BCL2: variants seen among roughly 807,000 people sequenced by gnomAD.
The protein encoded by BCL2 is apoptosis regulator Bcl-2.
In BCL2, 1 loss-of-function variant was observed where a neutral mutation model predicts 14.2. The observed-to-expected ratio is 0.07, with a 90% CI of 0.02 to 0.33. The LOEUF (loss-of-function observed/expected upper bound fraction) is 0.33. BCL2 is among the 10% of genes least tolerant of loss of function. The pLI is 0.99. For synonymous variants in BCL2, 151 were observed against 137.2 expected (o/e 1.10, Z -0.70); for missense variants, 247 against 305.9 (o/e 0.81, Z 1.44).
At chr18:63,198,537 GACAC>G (rs1276202888) in intron 2 of BCL2, among the ~76,000 whole-genome samples, 1 of 88,058 alleles carries the variant, frequency 1.1e-5, no homozygotes, top group African/African-American at 4.7e-5. Flanking sequence ...GACACACATT[GACAC>G]ACAGACACAC....
chr18:63,295,226 AAGG>A (rs1161345153), intron 2 of BCL2, among the ~76,000 whole-genome samples: 2 of 151,768 alleles, frequency 1.3e-5, no homozygotes, highest in East Asian at 3.9e-4. Flanking sequence ...GTGTAGGGAC[AAGG>A]AGAACAGAGA....
rs911585230 is a variant in BCL2 at position 63,218,521 on chromosome 18, T to C, written c.586-89762A>G. ...GTTCAAAGTTCTTTCACATACTATTTCATCTTATCTCTCCACAACCTCCCT... is the reference window on the plus strand; with the variant it reads ...GTTCAAAGTTCTTTCACATACTATTCCATCTTATCTCTCCACAACCTCCCT... On this transcript the variant is annotated intron_variant, in intron 2 of 2. Transcript: ENST00000333681. Among the ~76,000 whole-genome samples, 48 of 151,302 alleles carry C rather than the reference T, an allele frequency of 3.2e-4. 1 individual carries two copies. Among genetic ancestry groups the C allele is most frequent in the Admixed American group, 2.8e-3 (42 of 15,190 alleles).
chr18:63,187,877 A>T (rs932873494), intron 2 of BCL2, among the ~76,000 whole-genome samples: 1 of 152,190 alleles, frequency 6.6e-6, no homozygotes, highest in Admixed American at 6.5e-5. Flanking sequence ...TCTTTATCTC[A>T]TTAAAATAAA....
intron 2 of BCL2, among the ~76,000 whole-genome samples, chr18:63,305,712 C>T (rs560080071): frequency 4.6e-5 from 7 of 152,114 alleles, no homozygotes; most frequent in South Asian, 4.2e-4. Flanking sequence ...ATTTATCACA[C>T]GGTGAATTCT....
intron 2 of BCL2, among the ~76,000 whole-genome samples, chr18:63,255,927 A>G (rs973611875): frequency 6.6e-6 from 1 of 152,212 alleles, no homozygotes; most frequent in Non-Finnish European, 1.5e-5. Flanking sequence ...TTCCTATTAA[A>G]GCATTAACAT....
intron 2 of BCL2, among the ~76,000 whole-genome samples, chr18:63,236,329 T>C (rs1052354704): frequency 4.6e-5 from 7 of 152,220 alleles, no homozygotes; most frequent in African/African-American, 1.7e-4. Flanking sequence ...TATTTGTTTT[T>C]AGGAGCCCCC....
At position 63,302,320 on chromosome 18, in the gene BCL2, G is replaced by A. The variant is rs1912987264; in HGVS notation, c.585+15762C>T. On this transcript the variant is annotated intron_variant, in intron 2 of 2. Coordinates refer to ENST00000333681, the MANE Select transcript of BCL2 (RefSeq NM_000633.3). ...CCTTCTCAAAAAAAAAAAAAAGAGA[G>A]AGAAAGAGAGAAAGAGAGAGAGGAA... The A allele has an allele frequency of 9.2e-6, 9 of 974,998 alleles. No homozygotes were observed. In the South Asian group the frequency reaches 3.8e-4, roughly 41 times the overall value. 60.4% of individuals were successfully genotyped at this position (974,998 alleles called of 1,614,324 possible). A position where few individuals can be genotyped will look rare whatever the true frequency, so the allele number is the denominator to read the frequency against.
intron 2 of BCL2, among the ~76,000 whole-genome samples, chr18:63,237,304 A>G (rs983282242): frequency 5.9e-5 from 9 of 152,154 alleles, no homozygotes; most frequent in Non-Finnish European, 1.3e-4. Context: ...GCTGCACCAC[A>G]TGCACATTTT....
chr18:63,136,219 T>C (rs1195036241), intron 2 of BCL2, among the ~76,000 whole-genome samples: 1 of 152,208 alleles, frequency 6.6e-6, no homozygotes, highest in African/African-American at 2.4e-5. Flanking sequence ...CCTATGATAA[T>C]GTTCCTAACA....
At chr18:63,274,716 C>T (rs1048223363) in intron 2 of BCL2, among the ~76,000 whole-genome samples, 3 of 152,224 alleles carry the variant, frequency 2.0e-5, no homozygotes, top group Admixed American at 6.5e-5. Flanking sequence ...TTCCACCTGC[C>T]GCGGAGGACC....
chr18:63,133,668 T>TAATTCTAAGTGCTGAAAAG (rs1914132808), intron 2 of BCL2, among the ~76,000 whole-genome samples: 1 of 152,168 alleles, frequency 6.6e-6, no homozygotes, highest in Non-Finnish European at 1.5e-5. Flanking sequence ...AAGAGAAGGT[T>TAATTCTAAGTGCTGAAAAG]AATTCTAAGT....
chr18:63,257,281 G>A (rs116873719), intron 2 of BCL2, among the ~76,000 whole-genome samples: 2,175 of 152,232 alleles, frequency 0.014, 30 homozygotes, highest in Non-Finnish European at 0.022. Context: ...ACATTTATAA[G>A]ACACAAAGCC....
At chr18:63,169,341 C>CTT (rs1568222601) in intron 2 of BCL2, among the ~76,000 whole-genome samples, 3 of 50,362 alleles carry the variant, frequency 6.0e-5, no homozygotes, top group Middle Eastern at 9.3e-3. Context: ...TCCTTCCTTT[C>CTT]TTTCTTTCTT....
chr18:63,240,539 T>C (rs1910971202), intron 2 of BCL2, among the ~76,000 whole-genome samples: 1 of 152,226 alleles, frequency 6.6e-6, no homozygotes, highest in Non-Finnish European at 1.5e-5. Context: ...CAAAGTAATA[T>C]TCTAAATCAC....
intron 2 of BCL2, among the ~76,000 whole-genome samples, chr18:63,304,827 C>T (rs928807550): frequency 2.6e-5 from 4 of 152,186 alleles, no homozygotes; most frequent in Admixed American, 6.5e-5. Context: ...AAGCTAATTA[C>T]AACCTTTGAA....
intron 2 of BCL2, among the ~76,000 whole-genome samples, chr18:63,174,078 G>GCA (rs528037844): frequency 1.0e-3 from 159 of 152,216 alleles, no homozygotes; most frequent in Non-Finnish European, 1.8e-3. Context: ...ATCAAAGGAT[G>GCA]CACACACACA....
intron 2 of BCL2, among the ~76,000 whole-genome samples, chr18:63,202,241 G>A (rs1909715235): frequency 6.6e-6 from 1 of 152,158 alleles, no homozygotes; most frequent in African/African-American, 2.4e-5. Flanking sequence ...CTCAGGAGGC[G>A]GAGGTTGCAG....
At chr18:63,290,235 C>A (rs1008280827) in intron 2 of BCL2, among the ~76,000 whole-genome samples, 1 of 152,026 alleles carries the variant, frequency 6.6e-6, no homozygotes, top group Non-Finnish European at 1.5e-5. Flanking sequence ...ATTTGAACTG[C>A]CAACAGGAAG....
At chr18:63,182,105 G>A (rs764855233) in intron 2 of BCL2, among the ~76,000 whole-genome samples, 6 of 152,170 alleles carry the variant, frequency 3.9e-5, no homozygotes, top group African/African-American at 9.7e-5. Context: ...AGAGTAGTTA[G>A]TCTCAATCTT....
Sources: allele counts gnomAD v4.1 joint callset (sites outside exome capture counted in the v4.1 genomes callset), GRCh38; gene constraint gnomAD v4.1.1; transcripts MANE v1.5; gene names NCBI Gene and HGNC (gene_info 2026-07-23, HGNC 2026-07-21).